CERS6: variants seen among roughly 807,000 people sequenced by gnomAD.
CERS6 encodes the protein ceramide synthase 6.
CERS6 carries 26 observed loss-of-function variants against 56.8 expected under a neutral mutation model. The ratio of observed to expected loss-of-function variants is 0.46; its 90% CI spans 0.34 to 0.63. The LOEUF is 0.63. Among genes scored for constraint, CERS6 ranks in the 30% least tolerant of loss-of-function variants. CERS6 has a pLI of 0.01. For missense variants in CERS6, 415 were observed against 467.5 expected, an observed-to-expected ratio of 0.89 and a Z score of 1.04; for synonymous variants, 164 against 173.3, an observed-to-expected ratio of 0.95 and a Z score of 0.42.
intron 4 of CERS6, among the ~76,000 whole-genome samples, chr2:168,686,986 T>C (rs1278964484): frequency 6.6e-6 from 1 of 152,218 alleles, no homozygotes; most frequent in Admixed American, 6.5e-5. Flanking sequence ...AGACTTCTGA[T>C]ACCAGACTCC....
rs1017394691 is a variant in CERS6, at chr2:168,560,068, A to G, written c.277-1124A>G. 3.3e-5 allele frequency among the ~76,000 whole-genome samples: 5 copies of G among 152,132 alleles called. No individual in the cohort carries two copies. In the East Asian group the frequency reaches 7.7e-4, roughly 24 times the overall value. Reference sequence around the variant, plus strand: ...ACAATTTACAACAAGAAGGAAATGTATTGGACTTACAGTTCCACATGGCTG... The same window carrying G: ...ACAATTTACAACAAGAAGGAAATGTGTTGGACTTACAGTTCCACATGGCTG... On this transcript the variant is annotated intron_variant, in intron 2 of 9. Transcript: ENST00000305747.
intron 4 of CERS6, chr2:168,644,425 G>A (rs1685124327): frequency 1.1e-6 from 1 of 870,652 alleles, no homozygotes. Flanking sequence ...ACAAAGGTGG[G>A]GTCAAGCATT....
chr2:168,733,957 G>A (rs1683632645), intron 8 of CERS6, among the ~76,000 whole-genome samples: 1 of 152,138 alleles, frequency 6.6e-6, no homozygotes, highest in Admixed American at 6.5e-5. Flanking sequence ...ATACTGCAGG[G>A]CAGATCAAGG....
chr2:168,643,886 A>G (rs550020066), intron 4 of CERS6, among the ~76,000 whole-genome samples: 30 of 152,244 alleles, frequency 2.0e-4, no homozygotes, highest in African/African-American at 7.2e-4. Context: ...ATATAAGGTA[A>G]CATTCACAAG....
At chr2:168,576,401 T>C (rs1217583264) in intron 3 of CERS6, among the ~76,000 whole-genome samples, 1 of 152,188 alleles carries the variant, frequency 6.6e-6, no homozygotes, top group Non-Finnish European at 1.5e-5. Context: ...TTTGAGTGCC[T>C]ACTTTATGCC....
chr2:168,768,239 G>GTT (rs557076210), intron 9 of CERS6, among the ~76,000 whole-genome samples: 1 of 144,172 alleles, frequency 6.9e-6, no homozygotes, highest in Admixed American at 7.0e-5. Flanking sequence ...GTTTTGTTTT[G>GTT]TTTTTTTTTT....
intron 6 of CERS6, among the ~76,000 whole-genome samples, chr2:168,706,404 A>T (rs1686942745): frequency 6.6e-6 from 1 of 152,204 alleles, no homozygotes; most frequent in Non-Finnish European, 1.5e-5. Context: ...GGGGCCATAA[A>T]TGTTGCACAG....
At chr2:168,608,414 A>G (rs1684105690) in intron 3 of CERS6, among the ~76,000 whole-genome samples, 1 of 152,238 alleles carries the variant, frequency 6.6e-6, no homozygotes, top group Non-Finnish European at 1.5e-5. Flanking sequence ...GTCATATGAT[A>G]AATTCACATT....
intron 5 of CERS6, among the ~76,000 whole-genome samples, chr2:168,692,965 G>A (rs1356581562): frequency 2.0e-5 from 3 of 151,974 alleles, no homozygotes; most frequent in African/African-American, 7.2e-5. Context: ...CAGACATTTA[G>A]GTGAAAAAGT....
chr2:168,609,242 G>A (rs1384534777), intron 3 of CERS6, among the ~76,000 whole-genome samples: 1 of 152,064 alleles, frequency 6.6e-6, no homozygotes, highest in Non-Finnish European at 1.5e-5. Context: ...GGATCCTCCC[G>A]CTTCAGCCTC....
At chr2:168,726,367 G>A (rs1346644563) in intron 8 of CERS6, among the ~76,000 whole-genome samples, 1 of 152,186 alleles carries the variant, frequency 6.6e-6, no homozygotes, top group African/African-American at 2.4e-5. Flanking sequence ...AGCATTTGAT[G>A]AGATACATTT....
At chr2:168,687,515 G>C (rs1686382544) in intron 4 of CERS6, among the ~76,000 whole-genome samples, 1 of 152,058 alleles carries the variant, frequency 6.6e-6, no homozygotes, top group African/African-American at 2.4e-5. Flanking sequence ...GCTCTGAGCT[G>C]GCATGTTCTT....
intron 9 of CERS6, among the ~76,000 whole-genome samples, chr2:168,768,766 C>T (rs921548827): frequency 1.3e-5 from 2 of 151,644 alleles, no homozygotes; most frequent in Non-Finnish European, 2.9e-5. Context: ...ATTAGCTGGG[C>T]ATGGTGGCTC....
intron 1 of CERS6, among the ~76,000 whole-genome samples, chr2:168,461,292 A>G (rs1693775398): frequency 6.6e-6 from 1 of 152,082 alleles, no homozygotes; most frequent in South Asian, 2.1e-4. Flanking sequence ...CATTAAAACT[A>G]TGGATACCTG....
At chr2:168,624,768 A>G (rs950815151) in intron 3 of CERS6, among the ~76,000 whole-genome samples, 32 of 152,184 alleles carry the variant, frequency 2.1e-4, no homozygotes, top group African/African-American at 7.7e-4. Context: ...TATAAATTCC[A>G]TTGTACTTGA....
In CERS6 at chr2:168,703,572, C is replaced by A. The variant is rs147229106; in HGVS notation, c.609+8521C>A. Among the ~76,000 whole-genome samples, 232 of 150,846 alleles carry A rather than the reference C, an allele frequency of 1.5e-3. 2 individuals carry two copies. The South Asian group carries it at 0.019, about 13-fold the overall frequency. The stretch of plus-strand genomic sequence containing the variant: ...GACTCCATCTCAAAAAACAAACAAA[C>A]AAAAAAAAAGTGACTCCCAGGTAGT... On this transcript the variant is annotated intron_variant, in intron 6 of 9. Coordinates refer to ENST00000305747, the MANE Select transcript of CERS6 (RefSeq NM_203463.3).
chr2:168,616,324 A>T (rs999180994), intron 3 of CERS6, among the ~76,000 whole-genome samples: 7 of 152,200 alleles, frequency 4.6e-5, no homozygotes, highest in African/African-American at 1.7e-4. Context: ...AGGAAAAAAA[A>T]ATAAAAATCC....
chr2:168,468,817 T>C (rs966114857), intron 1 of CERS6, among the ~76,000 whole-genome samples: 40 of 152,202 alleles, frequency 2.6e-4, no homozygotes, highest in African/African-American at 9.4e-4. Context: ...AAGATGTTGA[T>C]TCTTCTTCTT....
At chr2:168,493,278 C>T (rs571420552) in intron 1 of CERS6, among the ~76,000 whole-genome samples, 1 of 152,168 alleles carries the variant, frequency 6.6e-6, no homozygotes, top group Non-Finnish European at 1.5e-5. Flanking sequence ...TCTCTCCTAG[C>T]CACTTAAATA....
Sources: allele counts gnomAD v4.1 joint callset (sites outside exome capture counted in the v4.1 genomes callset), GRCh38; gene constraint gnomAD v4.1.1; transcripts MANE v1.5; gene names NCBI Gene and HGNC (gene_info 2026-07-23, HGNC 2026-07-21).